Variants in AFF1 observed in about 807,000 individuals in gnomAD.
The protein encoded by AFF1 is ALF transcription elongation factor 1.
AFF1 carries 48 observed loss-of-function variants against 121.7 expected under a neutral mutation model. The ratio of observed to expected loss-of-function variants is 0.39; its 90% CI spans 0.31 to 0.50. The LOEUF is 0.50. Among genes scored for constraint, AFF1 ranks in the 20% least tolerant of loss-of-function variants. The pLI is 0.76. For missense variants in AFF1, 1,523 were observed against 1,511.7 expected, an observed-to-expected ratio of 1.01 and a Z score of -0.12; for synonymous variants, 613 against 563.0, an observed-to-expected ratio of 1.09 and a Z score of -1.26.
chr4:87,110,998 A>ATTTTTTTTT (rs1263757983), intron 11 of AFF1, among the ~76,000 whole-genome samples: 1 of 81,084 alleles, frequency 1.2e-5, no homozygotes, highest in Admixed American at 1.4e-4. Flanking sequence ...CTTAAACTTT[A>ATTTTTTTTT]TTTTTTTTTT....
chr4:87,030,937 GCA>G (rs1729014405), intron 2 of AFF1, among the ~76,000 whole-genome samples: 1 of 152,088 alleles, frequency 6.6e-6, no homozygotes, highest in Non-Finnish European at 1.5e-5. Context: ...CCAGTTGAGT[GCA>G]TTTGCATTCT....
chr4:87,114,571 G>GCC lies in AFF1; in HGVS notation c.1741_1742dup (p.Pro582HisfsTer72). 3 of 1,597,362 alleles carry GCC rather than the reference G, an allele frequency of 1.9e-6. No homozygotes were observed. Among genetic ancestry groups the GCC allele is most frequent in the South Asian group, 1.1e-5 (1 of 90,068 alleles). ...TAAAAGCTCCAGCAAAGCCCCCCGG[G>GCC]CCCCACCCGAAGCCCCCCACCCCGG... On this transcript the variant is annotated frameshift_variant, in exon 12 of 21. Coordinates refer to ENST00000395146, the MANE Select transcript of AFF1 (RefSeq NM_001166693.3). LOFTEE classifies it high-confidence loss of function.
At chr4:86,936,030 TGCGG>T in intron 1 of AFF1, 1 of 152,120 alleles carries the variant, frequency 6.6e-6, no homozygotes, top group Non-Finnish European at 1.5e-5. Flanking sequence ...GCGACGGGCC[TGCGG>T]GCGGTTCGAT....
intron 4 of AFF1, among the ~76,000 whole-genome samples, chr4:87,057,203 G>A (rs182056945): frequency 6.6e-6 from 1 of 152,326 alleles, no homozygotes; most frequent in East Asian, 1.9e-4. Context: ...AATCTAGTGG[G>A]AGTGGCAGGG....
intron 4 of AFF1, among the ~76,000 whole-genome samples, chr4:87,051,617 T>C (rs1731266822): frequency 1.3e-5 from 2 of 152,002 alleles, no homozygotes; most frequent in African/African-American, 4.8e-5. Flanking sequence ...TGTGCCACCA[T>C]GCCCGGCTAA....
chr4:87,115,404 C>G (rs1343195820), intron 12 of AFF1, 105 bp downstream of exon 12: 1 of 1,172,728 alleles, frequency 8.5e-7, no homozygotes, highest in African/African-American at 1.6e-5. Flanking sequence ...AGTTGTCTCA[C>G]AAGTCTTTGC....
intron 2 of AFF1, among the ~76,000 whole-genome samples, chr4:86,991,951 C>G (rs1172797232): frequency 6.6e-6 from 1 of 151,132 alleles, no homozygotes; most frequent in East Asian, 1.9e-4. Context: ...ACCAAACCAA[C>G]CATGATAATA....
intron 12 of AFF1, among the ~76,000 whole-genome samples, chr4:87,119,377 A>C (rs1454490061): frequency 1.3e-5 from 2 of 151,986 alleles, no homozygotes; most frequent in African/African-American, 4.8e-5. Context: ...CCAGGAGTTC[A>C]AGACCAGCCT....
At chr4:87,014,456 A>G (rs941566757) in intron 2 of AFF1, among the ~76,000 whole-genome samples, 2 of 152,260 alleles carry the variant, frequency 1.3e-5, no homozygotes, top group Admixed American at 6.5e-5. Flanking sequence ...AATAATGTTC[A>G]ACAAGACATT....
intron 2 of AFF1, among the ~76,000 whole-genome samples, chr4:87,029,734 A>T (rs1728881991): frequency 6.6e-6 from 1 of 152,126 alleles, no homozygotes. Context: ...TAAGTCCGTT[A>T]TTCACTTTAA....
chr4:87,110,607 G>A (rs994272051), intron 11 of AFF1, among the ~76,000 whole-genome samples: 2 of 151,284 alleles, frequency 1.3e-5, no homozygotes, highest in South Asian at 2.1e-4. Context: ...ACAAATTAGT[G>A]TGTATCTTCC....
intron 20 of AFF1, among the ~76,000 whole-genome samples, chr4:87,135,074 A>C (rs1023387246): frequency 6.6e-6 from 1 of 152,216 alleles, no homozygotes; most frequent in Non-Finnish European, 1.5e-5. Context: ...GCATAACCCA[A>C]ATACCGAGAT....
intron 5 of AFF1, among the ~76,000 whole-genome samples, chr4:87,086,712 G>A (rs1248086490): frequency 6.6e-6 from 1 of 152,142 alleles, no homozygotes; most frequent in Non-Finnish European, 1.5e-5. Flanking sequence ...GTCCATTCCA[G>A]CTCTTACTCT....
In AFF1 at chr4:87,134,687, G is replaced by T. The variant is rs376282940; in HGVS notation, c.3528G>T (p.Lys1176Asn). Reference sequence around the variant, plus strand: ...AACAGGCCGAGGCCCTCACGAGGAAGAATAAAGGTAAATAAATGGCTTTGT... The same window carrying T: ...AACAGGCCGAGGCCCTCACGAGGAATAATAAAGGTAAATAAATGGCTTTGT... Reference protein sequence around the residue: ...LWEQAEALTRKNKEFFARLST... With the variant: ...LWEQAEALTRNNKEFFARLST... The change falls in exon 20 of 21, where the codon AAG (lysine) becomes AAT (asparagine). Residue 1176 changes from lysine to asparagine, a missense_variant. Coordinates refer to ENST00000395146, the MANE Select transcript of AFF1 (RefSeq NM_001166693.3). 6.2e-7 allele frequency: 1 copy of T among 1,612,062 alleles called. No individual in the cohort carries two copies. The highest frequency in any genetic ancestry group is 8.5e-7 in the Non-Finnish European group (1 of 1,178,628).
intron 1 of AFF1, among the ~76,000 whole-genome samples, chr4:86,937,565 A>G (rs1231639062): frequency 3.3e-5 from 5 of 152,160 alleles, no homozygotes; most frequent in Admixed American, 3.3e-4. Context: ...ATATATATTT[A>G]TCAGGCACCT....
intron 2 of AFF1, among the ~76,000 whole-genome samples, chr4:86,963,963 G>GTTTTTT (rs3035477): frequency 5.7e-5 from 6 of 104,362 alleles, no homozygotes; most frequent in Admixed American, 1.0e-4. Flanking sequence ...GACTAGACTG[G>GTTTTTT]TTTTTTTTTT....
intron 2 of AFF1, among the ~76,000 whole-genome samples, chr4:86,984,037 A>T (rs1169139244): frequency 2.6e-5 from 4 of 151,408 alleles, no homozygotes; most frequent in African/African-American, 9.7e-5. Context: ...ACTCCATCTC[A>T]AAAAAAAAGA....
intron 1 of AFF1, chr4:86,935,697 CGTG>C (rs1325425419): frequency 2.0e-5 from 3 of 152,048 alleles, no homozygotes; most frequent in African/African-American, 7.3e-5. Context: ...CTGTGCCTGT[CGTG>C]GAGAGAGATG....
chr4:87,020,013 T>TTGC (rs1727738273), intron 2 of AFF1, among the ~76,000 whole-genome samples: 1 of 17,500 alleles, frequency 5.7e-5, no homozygotes, highest in Non-Finnish European at 4.3e-4. Context: ...GTGTTGACGA[T>TTGC]TGTTGTGTGA....
Sources: allele counts gnomAD v4.1 joint callset (sites outside exome capture counted in the v4.1 genomes callset), GRCh38; gene constraint gnomAD v4.1.1; transcripts MANE v1.5; gene names NCBI Gene and HGNC (gene_info 2026-07-23, HGNC 2026-07-21).